The following TRPM3 variants were observed in gnomAD, a reference collection of about 807,000 sequenced individuals.
TRPM3 encodes transient receptor potential cation channel subfamily M member 3.
A neutral mutation model predicts 181.2 loss-of-function variants in TRPM3; 77 were observed. The observed-to-expected ratio is 0.42, with a 90% CI of 0.35 to 0.51. TRPM3 has a LOEUF of 0.51. Among genes scored for constraint, TRPM3 ranks in the 20% least tolerant of loss-of-function variants. The pLI, the probability that TRPM3 is intolerant of heterozygous loss-of-function variation, is 0.01. For missense variants in TRPM3, 1,759 were observed against 2,196.7 expected (o/e 0.80, Z 3.98); for synonymous variants, 745 against 796.4 (o/e 0.94, Z 1.09).
intron 1 of TRPM3, among the ~76,000 whole-genome samples, chr9:71,158,185 G>A (rs1483958749): frequency 6.6e-6 from 1 of 152,122 alleles, no homozygotes; most frequent in Non-Finnish European, 1.5e-5. Flanking sequence ...AGAAACTGAA[G>A]CTTTACTTAG....
intron 1 of TRPM3, among the ~76,000 whole-genome samples, chr9:71,271,882 A>AG (rs1225716984): frequency 6.6e-6 from 1 of 152,162 alleles, no homozygotes; most frequent in Non-Finnish European, 1.5e-5. Context: ...TGATGAGAAG[A>AG]GAAAAAAAGA....
intron 1 of TRPM3, among the ~76,000 whole-genome samples, chr9:71,162,413 G>A (rs1319507893): frequency 1.3e-5 from 2 of 151,860 alleles, no homozygotes; most frequent in Non-Finnish European, 2.9e-5. Flanking sequence ...GAAAAACACT[G>A]TAGTTTCAAT....
chr9:70,635,009 G>A (rs1404969796), intron 12 of TRPM3, among the ~76,000 whole-genome samples: 2 of 152,110 alleles, frequency 1.3e-5, no homozygotes, highest in African/African-American at 4.8e-5. Context: ...GGCGATTGGA[G>A]ATAACACCAC....
At position 70,565,709 on chromosome 9, in the gene TRPM3, T is replaced by A. The variant is rs114401307; in HGVS notation, c.3224-12399A>T. On this transcript the variant is annotated intron_variant, in intron 22 of 25. Coordinates refer to ENST00000677713, the MANE Select transcript of TRPM3 (RefSeq NM_001366145.2). ...AGGCACTTTGCTGTTCATCATTTTT[T>A]AAATTATATTTTAAATAATCACATT... Among the ~76,000 whole-genome samples the A allele has an allele frequency of 3.0e-3, 451 of 152,346 alleles. 10 individuals are homozygous for A. Among genetic ancestry groups the A allele is most frequent in the East Asian group, 0.024 (123 of 5,188 alleles).
chr9:70,539,829 A>G (rs1370134750), intron 25 of TRPM3, among the ~76,000 whole-genome samples: 1 of 152,004 alleles, frequency 6.6e-6, no homozygotes, highest in Non-Finnish European at 1.5e-5. Flanking sequence ...GCAATCTGTT[A>G]TATTTATTTC....
chr9:71,099,542 C>G (rs182794123), intron 1 of TRPM3, among the ~76,000 whole-genome samples: 351 of 152,236 alleles, frequency 2.3e-3, no homozygotes, highest in African/African-American at 7.9e-3. Context: ...CAGCTCACCC[C>G]TCCTCTCTGT....
intron 1 of TRPM3, among the ~76,000 whole-genome samples, chr9:71,422,888 C>A (rs1402381501): frequency 6.6e-6 from 1 of 151,938 alleles, no homozygotes; most frequent in East Asian, 1.9e-4. Flanking sequence ...AAACTTTTGA[C>A]CTTATCAGCT....
At chr9:71,043,050 C>G (rs752867537) in intron 1 of TRPM3, among the ~76,000 whole-genome samples, 1 of 152,222 alleles carries the variant, frequency 6.6e-6, no homozygotes. Context: ...CTATTTCTGC[C>G]AAGTCCTTGC....
intron 22 of TRPM3, chr9:70,579,549 T>G (rs1474573472): frequency 6.6e-6 from 1 of 152,180 alleles, no homozygotes; most frequent in Non-Finnish European, 1.5e-5. Context: ...CTCTCCTCTC[T>G]TCCTTTCTCT....
intron 9 of TRPM3, among the ~76,000 whole-genome samples, chr9:70,654,686 GT>G (rs112874508): frequency 3.1e-4 from 44 of 142,230 alleles, no homozygotes; most frequent in Admixed American, 4.9e-4. Context: ...GCACTCTGTA[GT>G]TTTTTTTTTT....
intron 1 of TRPM3, among the ~76,000 whole-genome samples, chr9:71,435,639 C>A (rs2131632735): frequency 6.6e-6 from 1 of 152,312 alleles, no homozygotes; most frequent in South Asian, 2.1e-4. Flanking sequence ...ATCTCCATAA[C>A]ATTTTCTAGT....
chr9:70,936,747 C>T (rs2096832064), intron 1 of TRPM3, among the ~76,000 whole-genome samples: 1 of 152,166 alleles, frequency 6.6e-6, no homozygotes, highest in South Asian at 2.1e-4. Flanking sequence ...AATATACTCT[C>T]TTCACTCCAG....
intron 1 of TRPM3, among the ~76,000 whole-genome samples, chr9:71,257,100 A>T (rs1185892105): frequency 6.6e-6 from 1 of 152,210 alleles, no homozygotes; most frequent in Non-Finnish European, 1.5e-5. Flanking sequence ...TAGTCACATA[A>T]AGTAAATTTG....
chr9:71,096,740 C>T (rs924700862), intron 1 of TRPM3, among the ~76,000 whole-genome samples: 3 of 151,830 alleles, frequency 2.0e-5, no homozygotes, highest in Non-Finnish European at 4.4e-5. Flanking sequence ...ACAAACAGTC[C>T]TTCATAATTA....
chr9:71,034,037 C>T (rs1251126740), intron 1 of TRPM3, among the ~76,000 whole-genome samples: 5 of 152,198 alleles, frequency 3.3e-5, no homozygotes, highest in Non-Finnish European at 7.3e-5. Flanking sequence ...AAAACCCATG[C>T]AGACATGGAG....
chr9:71,289,875 C>CAA (rs71352367), intron 1 of TRPM3, among the ~76,000 whole-genome samples: 14,953 of 39,818 alleles, frequency 0.38, 5,146 homozygotes, highest in Non-Finnish European at 0.57. Flanking sequence ...GACTCTGTCT[C>CAA]AAAAAAAAAA....
intron 1 of TRPM3, among the ~76,000 whole-genome samples, chr9:71,393,308 T>C (rs2093108674): frequency 6.6e-6 from 1 of 152,160 alleles, no homozygotes; most frequent in Non-Finnish European, 1.5e-5. Context: ...TAGCACAGCA[T>C]AGGGTGAAAC....
chr9:70,548,268 A>G (rs539403208), intron 25 of TRPM3, among the ~76,000 whole-genome samples: 2 of 152,298 alleles, frequency 1.3e-5, no homozygotes, highest in African/African-American at 4.8e-5. Flanking sequence ...GCTTTACGTT[A>G]TATCATCATA....
intron 8 of TRPM3, among the ~76,000 whole-genome samples, chr9:70,740,438 T>C (rs2073822382): frequency 1.3e-5 from 2 of 151,972 alleles, no homozygotes; most frequent in South Asian, 4.2e-4. Context: ...GCAATTCCCA[T>C]TGCATACCAC....
Sources: gnomAD v4.1 joint callset for allele counts (sites outside exome capture counted in the v4.1 genomes callset) on GRCh38, gnomAD v4.1.1 for gene constraint, MANE v1.5 for transcripts, NCBI Gene and HGNC (gene_info 2026-07-23, HGNC 2026-07-21) for gene names.